SS18L1: variants seen among roughly 807,000 people sequenced by gnomAD.
SS18L1 encodes SS18L1 subunit of BAF chromatin remodeling complex.
Under a neutral mutation model 70.3 loss-of-function variants are expected in SS18L1, and 32 were observed. That is an observed-to-expected ratio of 0.46 (90% CI 0.34 to 0.61). The LOEUF (loss-of-function observed/expected upper bound fraction) is 0.61. Among genes scored for constraint, SS18L1 ranks in the 20% least tolerant of loss-of-function variants. The pLI, the probability that SS18L1 is intolerant of heterozygous loss-of-function variation, is 0.01. For missense variants in SS18L1, 430 were observed against 542.1 expected (o/e 0.79, Z 2.05); for synonymous variants, 237 against 229.7 (o/e 1.03, Z -0.29).
Position 62,161,365 on chromosome 20 carries a change from C to T in SS18L1, c.232-71C>T. 2 of 1,610,510 alleles carry T rather than the reference C, an allele frequency of 1.2e-6. No individual in the cohort carries two copies. Among genetic ancestry groups the T allele is most frequent in the Non-Finnish European group, 8.5e-7 (1 of 1,178,548 alleles). ...GCAAATCTCGGGTGCCCTCTCATCC[C>T]TGGCCTGGCTTGTGGAGGTCGCTCT... On this transcript the variant is annotated intron_variant, in intron 3 of 10. Coordinates refer to ENST00000331758, the MANE Select transcript of SS18L1 (RefSeq NM_198935.3). This position sits in a 1 kb window ranked among gnomAD's most constrained non-coding sequence, Gnocchi z 4.4.
In SS18L1 at chr20:62,163,632, G is replaced by A. The variant is rs776923856; in HGVS notation, c.721+10G>A. 4.2e-5 allele frequency: 66 copies of A among 1,561,942 alleles called. No homozygotes were observed. In the African/African-American group the frequency reaches 6.3e-4, roughly 15 times the overall value. On this transcript the variant is annotated intron_variant, in intron 6 of 10. Coordinates refer to ENST00000331758, the MANE Select transcript of SS18L1 (RefSeq NM_198935.3). ...CGGCCCTCCCAGCAAGGTAACGCCC[G>A]GCCGGGCCAGGTCGCGGGCACAGCT... is the stretch of plus-strand genomic sequence containing the variant.
intron 10 of SS18L1, among the ~76,000 whole-genome samples, chr20:62,176,652 T>C (rs1043237503): frequency 6.6e-6 from 1 of 151,978 alleles, no homozygotes; most frequent in Admixed American, 6.6e-5. Flanking sequence ...CCATCTCTGC[T>C]AAAAATACAA....
Position 62,181,298 on chromosome 20 carries a change from A to C in SS18L1, c.*2090A>C. 4.8e-6 allele frequency: 1 copy of C among 209,810 alleles called. No homozygotes were observed. Among genetic ancestry groups the C allele is most frequent in the Admixed American group, 5.9e-5 (1 of 16,960 alleles). The allele number at this position is 209,810 out of a possible 1,614,324, so 13.0% of individuals were successfully genotyped here. A position where few individuals can be genotyped will look rare whatever the true frequency, so the allele number is the denominator to read the frequency against. ...TTGCTAATTGACAAACGCGTTAGCA[A>C]TTTCAGTTAGGGAGTCATCTCCCTT... is the stretch of plus-strand genomic sequence containing the variant. On this transcript the variant is annotated 3_prime_UTR_variant, in exon 11 of 11. Transcript: ENST00000331758.
In SS18L1 at chr20:62,159,908, T is replaced by C. The variant is rs879677725; in HGVS notation, c.178T>C (p.Tyr60His). The change falls in exon 3 of 11, where the codon TAC (tyrosine) becomes CAC (histidine). Residue 60 changes from tyrosine (Y) to histidine (H), a missense_variant. Tyr to His is a moderately conservative substitution (Grantham distance 83). Transcript: ENST00000331758. This position sits in a 1 kb window ranked among gnomAD's most constrained non-coding sequence, Gnocchi z 4.4. ...YQQILHRNLVYLATIADSNQN... is the reference protein window; with the variant it reads ...YQQILHRNLVHLATIADSNQN... The stretch of plus-strand genomic sequence containing the variant: ...GCAGATCCTGCACCGGAACCTGGTA[T>C]ACCTGGCCACGATCGCAGACTCCAA... 1 of 1,612,642 alleles carries C rather than the reference T, an allele frequency of 6.2e-7. No individual in the cohort carries two copies. The highest frequency in any genetic ancestry group is 8.5e-7 in the Non-Finnish European group (1 of 1,179,928).
intron 1 of SS18L1, among the ~76,000 whole-genome samples, chr20:62,149,016 T>A (rs2057081290): frequency 2.0e-5 from 3 of 152,180 alleles, no homozygotes; most frequent in Admixed American, 2.0e-4. Flanking sequence ...GTCCTGCGGG[T>A]GCTCTCCTCG....
At chr20:62,144,261 A>AC (rs1417777891) in intron 1 of SS18L1, among the ~76,000 whole-genome samples, 1 of 150,062 alleles carries the variant, frequency 6.7e-6, no homozygotes, top group Admixed American at 6.6e-5. Flanking sequence ...GCGCACGGGG[A>AC]CCCCTCGGGG....
At chr20:62,144,091 G>C (rs188837122) in intron 1 of SS18L1, among the ~76,000 whole-genome samples, 9,601 of 149,926 alleles carry the variant, frequency 0.064, 960 homozygotes, top group African/African-American at 0.21. Context: ...GTGGGGGGCG[G>C]TCCCCGGAGA....
chr20:62,176,908 C>T (rs2057629081), intron 10 of SS18L1, among the ~76,000 whole-genome samples: 1 of 152,238 alleles, frequency 6.6e-6, no homozygotes, highest in South Asian at 2.1e-4. Context: ...AGTCAGCATC[C>T]AGTGTAGCTG....
chr20:62,160,624 G>GTGCTGCTGCAGCCTCTGTCC (rs2057312173), intron 3 of SS18L1, among the ~76,000 whole-genome samples: 1 of 152,170 alleles, frequency 6.6e-6, no homozygotes, highest in Non-Finnish European at 1.5e-5. Flanking sequence ...AGACGAGGTC[G>GTGCTGCTGCAGCCTCTGTCC]TGCTGCTGCA....
At chr20:62,170,168 G>A (rs66500650) in intron 8 of SS18L1, among the ~76,000 whole-genome samples, 18,457 of 152,190 alleles carry the variant, frequency 0.12, 1,309 homozygotes, top group South Asian at 0.24. Flanking sequence ...CATGCTGCCC[G>A]GCACCTTCTC....
At chr20:62,177,930 C>T (rs1373504861) in intron 10 of SS18L1, among the ~76,000 whole-genome samples, 2 of 151,588 alleles carry the variant, frequency 1.3e-5, no homozygotes, top group African/African-American at 2.4e-5. Flanking sequence ...CCATGTTGGC[C>T]AGGGTGGTCT....
chr20:62,162,485 G>A (rs2057347650), intron 4 of SS18L1: 1 of 364,056 alleles, frequency 2.7e-6, no homozygotes, highest in African/African-American at 2.1e-5. Context: ...TGTATTTTTA[G>A]TAGAGACGGG....
chr20:62,144,988 G>T (rs1315964047), intron 1 of SS18L1, among the ~76,000 whole-genome samples: 1 of 152,232 alleles, frequency 6.6e-6, no homozygotes, highest in Non-Finnish European at 1.5e-5. Flanking sequence ...CCAGTCTCCT[G>T]TGGAAGTTGT....
At chr20:62,153,532 A>G (rs944755431) in intron 1 of SS18L1, among the ~76,000 whole-genome samples, 1 of 151,614 alleles carries the variant, frequency 6.6e-6, no homozygotes, top group Non-Finnish European at 1.5e-5. Context: ...CATACCCGTC[A>G]GAGTGGCTTT....
rs372149332 is a variant in SS18L1 at position 62,160,196 on chromosome 20, T to C, written c.231+235T>C. Among the ~76,000 whole-genome samples, 6 of 136,506 alleles carry C rather than the reference T, an allele frequency of 4.4e-5. No individual in the cohort carries two copies. The East Asian group carries it at 1.1e-3, about 24-fold the overall frequency. 89.6% of individuals were successfully genotyped at this position (136,506 alleles called of 152,430 possible). A position where few individuals can be genotyped will look rare whatever the true frequency, so the allele number is the denominator to read the frequency against. On this transcript the variant is annotated intron_variant, in intron 3 of 10. Transcript: ENST00000331758. ...TCAGAACTGTGGCTCAGCCTCGTTA[T>C]GTATTGAAGGGAGGGAAGCCCCGGA...
At chr20:62,157,763 C>G (rs902752781) in intron 1 of SS18L1, among the ~76,000 whole-genome samples, 8 of 152,224 alleles carry the variant, frequency 5.3e-5, no homozygotes, top group Non-Finnish European at 1.0e-4. Context: ...TCGTGCCGTT[C>G]TCCTGCATTT....
intron 1 of SS18L1, among the ~76,000 whole-genome samples, chr20:62,145,612 A>T (rs3761224): frequency 3.9e-5 from 6 of 152,190 alleles, no homozygotes; most frequent in African/African-American, 9.7e-5. Context: ...AAAAGTGTGT[A>T]TTGAGGTGCT....
At chr20:62,163,662 G>A (rs756164714) in intron 6 of SS18L1, 40 bp downstream of exon 6, 96 of 1,497,908 alleles carry the variant, frequency 6.4e-5, no homozygotes, top group Middle Eastern at 2.4e-4. Flanking sequence ...ACAGCTGACC[G>A]CCGCGGGTCG....
chr20:62,151,488 G>A (rs138789840), intron 1 of SS18L1, among the ~76,000 whole-genome samples: 98 of 152,302 alleles, frequency 6.4e-4, no homozygotes, highest in African/African-American at 2.3e-3. Context: ...ACAGAGACAC[G>A]TTGGGGCCAC....
Sources: gnomAD v4.1 joint callset for allele counts (sites outside exome capture counted in the v4.1 genomes callset) on GRCh38, gnomAD v4.1.1 for gene constraint, Gnocchi (gnomAD v3.1) non-coding constraint, MANE v1.5 for transcripts, NCBI Gene and HGNC (gene_info 2026-07-23, HGNC 2026-07-21) for gene names.